CLIC5: variants seen among roughly 807,000 people sequenced by gnomAD.
CLIC5 encodes the protein CLIC family member 5.
In CLIC5, 20 loss-of-function variants were observed where a neutral mutation model predicts 24.7. The observed-to-expected ratio is 0.81, with a 90% CI of 0.57 to 1.18. CLIC5 has a LOEUF of 1.18. Among genes scored for constraint, CLIC5 ranks in the 50% most tolerant of loss-of-function variants. The pLI is 0.00. For missense variants in CLIC5, 341 were observed against 326.1 expected, an observed-to-expected ratio of 1.05 and a Z score of -0.35; for synonymous variants, 159 against 135.6, an observed-to-expected ratio of 1.17 and a Z score of -1.20.
In CLIC5 at chr6:45,902,910, A is replaced by G; in HGVS notation, c.*178T>C. 1.5e-6 allele frequency: 1 copy of G among 647,530 alleles called. No homozygotes were observed. Among genetic ancestry groups the G allele is most frequent in the Non-Finnish European group, 2.6e-6 (1 of 378,054 alleles). The allele number at this position is 647,530 out of a possible 1,614,324, so 40.1% of individuals were successfully genotyped here. A position where few individuals can be genotyped will look rare whatever the true frequency, so the allele number is the denominator to read the frequency against. On this transcript the variant is annotated 3_prime_UTR_variant, in exon 6 of 6. Transcript: ENST00000339561. The stretch of plus-strand genomic sequence containing the variant: ...TGCTAGATTCCTATGTGAGGAGGCC[A>G]GGGATGGTGCTGACCTTCATGAAAG...
the CLIC5 span, among the ~76,000 whole-genome samples, chr6:46,108,214 T>G: frequency 3.3e-5 from 5 of 152,148 alleles, no homozygotes; most frequent in Non-Finnish European, 5.9e-5. Flanking sequence ...GCATTAATAA[T>G]ACACTGATGC....
chr6:45,947,354 T>A (rs1764322509), intron 3 of CLIC5, among the ~76,000 whole-genome samples: 1 of 151,990 alleles, frequency 6.6e-6, no homozygotes, highest in Non-Finnish European at 1.5e-5. Flanking sequence ...CTGGGAGATA[T>A]CCTGTCACAG....
chr6:46,078,396 G>A (rs1166471954), intron 1 of CLIC5, among the ~76,000 whole-genome samples: 1 of 152,010 alleles, frequency 6.6e-6, no homozygotes, highest in Non-Finnish European at 1.5e-5. Context: ...TGCACAGTGT[G>A]ACAGTGATGA....
At chr6:45,951,658 G>C (rs974709111) in intron 2 of CLIC5, among the ~76,000 whole-genome samples, 8 of 152,156 alleles carry the variant, frequency 5.3e-5, no homozygotes, top group African/African-American at 1.9e-4. Context: ...GAAGAGGAGG[G>C]AAAATGGTGG....
intron 1 of CLIC5, among the ~76,000 whole-genome samples, chr6:46,047,578 C>T (rs1023108325): frequency 3.9e-5 from 6 of 152,290 alleles, no homozygotes; most frequent in African/African-American, 1.4e-4. Flanking sequence ...GGAATATACA[C>T]AATAATGCAA....
chr6:46,032,527 G>A (rs1006694062), intron 1 of CLIC5, among the ~76,000 whole-genome samples: 5 of 152,166 alleles, frequency 3.3e-5, no homozygotes, highest in African/African-American at 1.2e-4. Context: ...AAGTGTTGGG[G>A]AAAGGCCAAG....
At chr6:46,065,346 G>GT (rs58256194) in intron 1 of CLIC5, among the ~76,000 whole-genome samples, 145 of 145,380 alleles carry the variant, frequency 1.0e-3, no homozygotes, top group African/African-American at 1.3e-3. Flanking sequence ...AATTTTCAAG[G>GT]TTTTTTTTTT....
upstream of CLIC5, chr6:46,015,977 C>T (rs888628111): frequency 8.4e-6 from 7 of 834,448 alleles, no homozygotes; most frequent in African/African-American, 1.1e-4. Context: ...CACGGCCCCC[C>T]GCCCCAAGAC....
intron 4 of CLIC5, among the ~76,000 whole-genome samples, chr6:45,941,121 G>A (rs562717252): frequency 2.0e-5 from 3 of 152,256 alleles, no homozygotes; most frequent in East Asian, 3.9e-4. Context: ...CCTCTCCCTT[G>A]GCCTCTGGAA....
chr6:46,079,908 G>T lies in CLIC5; in HGVS notation c.335C>A (p.Ser112Ter). The T allele has an allele frequency of 4.5e-6, 7 of 1,551,914 alleles. No individual in the cohort carries two copies. Among genetic ancestry groups the T allele is most frequent in the South Asian group, 1.2e-5 (1 of 84,050 alleles). The change falls in exon 1 of 6, where the codon TCA (serine) becomes TAA (stop). Residue 112 changes from serine to a stop codon, truncating the protein, a stop_gained. Transcript: ENST00000185206. LOFTEE classifies it high-confidence loss of function. ...GCAGAGTTGCTGGTCCTGGGTTGATGAATATAACCCTTCCATTGAGATGCC... is the reference window on the plus strand; with the variant it reads ...GCAGAGTTGCTGGTCCTGGGTTGATTAATATAACCCTTCCATTGAGATGCC...
intron 1 of CLIC5, among the ~76,000 whole-genome samples, chr6:46,005,993 T>C (rs1034696598): frequency 8.5e-5 from 10 of 117,858 alleles, no homozygotes; most frequent in African/African-American, 2.9e-4. Flanking sequence ...TATATATATA[T>C]ATATATTTAT....
At chr6:45,943,065 A>G (rs575050423) in intron 3 of CLIC5, among the ~76,000 whole-genome samples, 2 of 152,212 alleles carry the variant, frequency 1.3e-5, no homozygotes, top group Non-Finnish European at 2.9e-5. Context: ...TTCCCTTTAC[A>G]CGTATTCACC....
At chr6:45,968,469 A>G (rs1295526502) in intron 1 of CLIC5, among the ~76,000 whole-genome samples, 1 of 152,114 alleles carries the variant, frequency 6.6e-6, no homozygotes, top group Non-Finnish European at 1.5e-5. Context: ...GAAACCAGAC[A>G]TGTAGGTTTT....
the CLIC5 span, among the ~76,000 whole-genome samples, chr6:46,108,055 A>C: frequency 3.0e-4 from 45 of 150,874 alleles, no homozygotes; most frequent in Non-Finnish European, 5.5e-4. Context: ...AAAAAAAAAA[A>C]ACCTCAATGG....
At chr6:45,956,838 G>C (rs933579889) in intron 1 of CLIC5, among the ~76,000 whole-genome samples, 1 of 152,134 alleles carries the variant, frequency 6.6e-6, no homozygotes, top group East Asian at 1.9e-4. Flanking sequence ...CACGGACTCC[G>C]TTATATAAAA....
intron 1 of CLIC5, among the ~76,000 whole-genome samples, chr6:46,046,454 G>T (rs1305746384): frequency 6.6e-6 from 1 of 152,120 alleles, no homozygotes; most frequent in Non-Finnish European, 1.5e-5. Flanking sequence ...AAAGAGAGTG[G>T]GAAATGGTCA....
intron 1 of CLIC5, among the ~76,000 whole-genome samples, chr6:45,987,684 A>T (rs1765790602): frequency 6.6e-6 from 1 of 152,224 alleles, no homozygotes; most frequent in African/African-American, 2.4e-5. Flanking sequence ...CCTGGTGTGC[A>T]GATGGCTGCC....
At chr6:46,055,027 T>C (rs542492616) in intron 1 of CLIC5, among the ~76,000 whole-genome samples, 12 of 152,328 alleles carry the variant, frequency 7.9e-5, no homozygotes, top group South Asian at 6.2e-4. Context: ...TCTGTAAACT[T>C]TTCTCTGATT....
In CLIC5 at chr6:45,901,081, T is replaced by C. The variant is rs1762499084; in HGVS notation, c.*2007A>G. The C allele has an allele frequency of 6.6e-6, 1 of 152,238 alleles. No homozygotes were observed. Among genetic ancestry groups the C allele is most frequent in the Non-Finnish European group, 1.5e-5 (1 of 68,058 alleles). 9.4% of individuals were successfully genotyped at this position (152,238 alleles called of 1,614,324 possible). A position where few individuals can be genotyped will look rare whatever the true frequency, so the allele number is the denominator to read the frequency against. On this transcript the variant is annotated 3_prime_UTR_variant, in exon 6 of 6. Coordinates refer to ENST00000339561, the MANE Select transcript of CLIC5 (RefSeq NM_016929.5). ...TGCTGTAAATTCGGGGAAGGATTTC[T>C]GAGTACAGCAGGATTTCACACTAAT... is the stretch of plus-strand genomic sequence containing the variant.
Sources: allele counts gnomAD v4.1 joint callset (sites outside exome capture counted in the v4.1 genomes callset), GRCh38; gene constraint gnomAD v4.1.1; transcripts MANE v1.5; gene names NCBI Gene and HGNC (gene_info 2026-07-23, HGNC 2026-07-21).